MYO5B: variants seen among roughly 807,000 people sequenced by gnomAD.
MYO5B encodes the protein unconventional myosin-Vb.
In MYO5B, 143 loss-of-function variants were observed where a neutral mutation model predicts 229.3. The ratio of observed to expected loss-of-function variants is 0.62; its 90% CI spans 0.54 to 0.72. MYO5B has a LOEUF of 0.72. Among genes scored for constraint, MYO5B ranks in the 30% least tolerant of loss-of-function variants. MYO5B has a pLI of 0.00. For missense variants in MYO5B, 2,321 were observed against 2,331.0 expected, an observed-to-expected ratio of 1.00 and a Z score of 0.09; for synonymous variants, 918 against 885.2, an observed-to-expected ratio of 1.04 and a Z score of -0.66.
chr18:50,101,586 T>C (rs1162407153), intron 1 of MYO5B, among the ~76,000 whole-genome samples: 3 of 150,512 alleles, frequency 2.0e-5, no homozygotes, highest in Non-Finnish European at 4.4e-5. Context: ...ACTGGGAAAA[T>C]GATATGGTAC....
chr18:49,965,957 A>G (rs2025620415), intron 10 of MYO5B, among the ~76,000 whole-genome samples: 1 of 152,142 alleles, frequency 6.6e-6, no homozygotes, highest in Non-Finnish European at 1.5e-5. Context: ...CTTCAGTACA[A>G]CTAAATTTTC....
intron 1 of MYO5B, among the ~76,000 whole-genome samples, chr18:50,146,327 A>C (rs1447464247): frequency 6.6e-6 from 1 of 152,228 alleles, no homozygotes; most frequent in African/African-American, 2.4e-5. Context: ...TCCAACTGGA[A>C]GGAAGAACTT....
intron 1 of MYO5B, among the ~76,000 whole-genome samples, chr18:50,176,227 C>A (rs1435589523): frequency 6.6e-6 from 1 of 152,160 alleles, no homozygotes; most frequent in African/African-American, 2.4e-5. Flanking sequence ...ATGCAGCACC[C>A]AAATTACCCT....
intron 1 of MYO5B, among the ~76,000 whole-genome samples, chr18:50,116,955 C>A (rs1332701552): frequency 1.3e-5 from 2 of 152,050 alleles, no homozygotes; most frequent in Non-Finnish European, 2.9e-5. Context: ...GACTCACATA[C>A]CCAACTTTTT....
intron 1 of MYO5B, among the ~76,000 whole-genome samples, chr18:50,122,929 A>C (rs1310989389): frequency 6.6e-6 from 1 of 152,224 alleles, no homozygotes; most frequent in Non-Finnish European, 1.5e-5. Flanking sequence ...AGAAAGCTGA[A>C]CACAGAATTA....
intron 2 of MYO5B, among the ~76,000 whole-genome samples, chr18:50,046,955 C>T (rs1283469171): frequency 1.3e-5 from 2 of 151,384 alleles, no homozygotes; most frequent in Non-Finnish European, 2.9e-5. Flanking sequence ...GGATTAAAGA[C>T]TTACATGTTA....
intron 16 of MYO5B, among the ~76,000 whole-genome samples, chr18:49,934,871 G>C (rs1232877182): frequency 6.6e-6 from 1 of 152,194 alleles, no homozygotes. Flanking sequence ...TATTCAGTCT[G>C]AGAGTCAAAA....
At chr18:50,047,866 A>G (rs376438834) in intron 2 of MYO5B, among the ~76,000 whole-genome samples, 1 of 146,408 alleles carries the variant, frequency 6.8e-6, no homozygotes, top group Admixed American at 7.1e-5. Context: ...ACATGTTCTC[A>G]CTGATAGGTA....
At chr18:49,986,223 C>A (rs2025868867) in intron 7 of MYO5B, among the ~76,000 whole-genome samples, 1 of 152,210 alleles carries the variant, frequency 6.6e-6, no homozygotes, top group South Asian at 2.1e-4. Context: ...GCTCTTCCCT[C>A]TGTCCACGCC....
rs925183849 is a variant in MYO5B, at chr18:50,170,205, G to A, written c.27+24562C>T. Among the ~76,000 whole-genome samples the A allele has an allele frequency of 4.7e-5, 6 of 127,828 alleles. 1 individual carries two copies. Among genetic ancestry groups the A allele is most frequent in the African/African-American group, 1.5e-4 (5 of 33,784 alleles). 83.9% of individuals were successfully genotyped at this position (127,828 alleles called of 152,430 possible). A position where few individuals can be genotyped will look rare whatever the true frequency, so the allele number is the denominator to read the frequency against. ...ATTTTGTCCAGCAGTGGGCAGTGAG[G>A]AAAGGAGGCTTGGCCGGAAGCATCA... is the stretch of plus-strand genomic sequence containing the variant. On this transcript the variant is annotated intron_variant, in intron 1 of 39. Coordinates refer to ENST00000285039, the MANE Select transcript of MYO5B (RefSeq NM_001080467.3).
intron 14 of MYO5B, among the ~76,000 whole-genome samples, chr18:49,951,893 T>A (rs1022043783): frequency 1.3e-5 from 2 of 152,092 alleles, no homozygotes; most frequent in South Asian, 4.1e-4. Context: ...ACCATCCTCA[T>A]GAAAAAATGG....
chr18:49,966,498 T>C (rs946832150), intron 10 of MYO5B, among the ~76,000 whole-genome samples: 2 of 152,034 alleles, frequency 1.3e-5, no homozygotes, highest in South Asian at 4.2e-4. Context: ...CCTTCCCCGA[T>C]CCTCCACCCT....
chr18:50,109,449 A>G (rs1469682348), intron 1 of MYO5B, among the ~76,000 whole-genome samples: 1 of 150,560 alleles, frequency 6.6e-6, no homozygotes, highest in Admixed American at 6.6e-5. Flanking sequence ...TTTTGAGACA[A>G]GAGTCTTGCT....
chr18:50,001,680 G>A (rs904568381), intron 4 of MYO5B, among the ~76,000 whole-genome samples: 1 of 152,138 alleles, frequency 6.6e-6, no homozygotes, highest in East Asian at 1.9e-4. Flanking sequence ...ACTCTCCCGA[G>A]TTCCCACTGG....
chr18:50,069,688 TAG>T (rs1210082275), intron 1 of MYO5B, among the ~76,000 whole-genome samples: 1 of 152,184 alleles, frequency 6.6e-6, no homozygotes, highest in Non-Finnish European at 1.5e-5. Flanking sequence ...CAGGGATTCT[TAG>T]ATACAGTTTA....
chr18:49,973,013 TA>T (rs1452605091), intron 10 of MYO5B, among the ~76,000 whole-genome samples: 1 of 152,136 alleles, frequency 6.6e-6, no homozygotes, highest in East Asian at 1.9e-4. Context: ...CCCCTGTTCA[TA>T]TGATCCAGTT....
rs150043153 is a variant in MYO5B, at chr18:50,174,396, C to A, written c.27+20371G>T. ...CTCCTGAGAAGGTACAGCACCAACA[C>A]CAGGATGTCATGTGCTAGAACCCTG... On this transcript the variant is annotated intron_variant, in intron 1 of 39. Transcript: ENST00000285039. Among the ~76,000 whole-genome samples, 15 of 152,234 alleles carry A rather than the reference C, an allele frequency of 9.9e-5. No individual in the cohort carries two copies. In the East Asian group the frequency reaches 2.9e-3, roughly 29 times the overall value.
At chr18:49,907,462 C>T (rs1384683139) in intron 18 of MYO5B, among the ~76,000 whole-genome samples, 1 of 152,160 alleles carries the variant, frequency 6.6e-6, no homozygotes, top group Non-Finnish European at 1.5e-5. Flanking sequence ...GGAAAGACAA[C>T]CCAGCAGGGT....
chr18:49,929,426 G>A lies in MYO5B; in HGVS notation c.2090+86C>T, dbSNP rs918334896. The A allele has an allele frequency of 2.7e-5, 29 of 1,078,992 alleles. 1 individual carries two copies. The highest frequency in any genetic ancestry group is 3.2e-5 in the African/African-American group (2 of 63,276). 66.8% of individuals were successfully genotyped at this position (1,078,992 alleles called of 1,614,324 possible). On this transcript the variant is annotated intron_variant, in intron 17 of 39. Coordinates refer to ENST00000285039, the MANE Select transcript of MYO5B (RefSeq NM_001080467.3). ...CGTTTTGAAGGATCTGTTTCTGGCC[G>A]ACGGTACACAGAGGGCTCCCTGGGG...
Sources: allele counts gnomAD v4.1 joint callset (sites outside exome capture counted in the v4.1 genomes callset), GRCh38; gene constraint gnomAD v4.1.1; transcripts MANE v1.5; gene names NCBI Gene and HGNC (gene_info 2026-07-23, HGNC 2026-07-21).